The following PRKD1 variants were observed in gnomAD, a reference collection of about 807,000 sequenced individuals.
PRKD1 encodes the protein protein kinase D1.
A neutral mutation model predicts 95.9 loss-of-function variants in PRKD1; 63 were observed. The ratio of observed to expected loss-of-function variants is 0.66; its 90% CI spans 0.54 to 0.81. PRKD1 has a LOEUF of 0.81. Among genes scored for constraint, PRKD1 ranks in the 30% least tolerant of loss-of-function variants. The pLI is 0.00. For missense variants in PRKD1, 1,048 were observed against 1,165.3 expected (o/e 0.90, Z 1.47); for synonymous variants, 425 against 423.1 (o/e 1.00, Z -0.05).
intron 16 of PRKD1, among the ~76,000 whole-genome samples, chr14:29,583,551 T>C (rs1331864529): frequency 6.6e-6 from 1 of 152,126 alleles, no homozygotes; most frequent in Non-Finnish European, 1.5e-5. Context: ...GGGGGGTGAG[T>C]CTTTCTAACA....
chr14:29,725,815 A>T (rs943129267), intron 1 of PRKD1, 141 bp from the exon 2 acceptor site: 1 of 835,410 alleles, frequency 1.2e-6, no homozygotes. Context: ...ATTAAAAAAT[A>T]AATAAATGGT....
chr14:29,709,645 C>T (rs1450193134), intron 2 of PRKD1, among the ~76,000 whole-genome samples: 1 of 152,102 alleles, frequency 6.6e-6, no homozygotes, highest in Non-Finnish European at 1.5e-5. Flanking sequence ...CCAGGAGAGC[C>T]AATGGTATAG....
chr14:29,749,388 A>G (rs1190124286), intron 1 of PRKD1, among the ~76,000 whole-genome samples: 1 of 152,172 alleles, frequency 6.6e-6, no homozygotes, highest in Non-Finnish European at 1.5e-5. Context: ...AGGTTGGAAT[A>G]TATGCCGGCT....
chr14:29,664,192 G>C (rs1882351592), intron 3 of PRKD1, among the ~76,000 whole-genome samples: 1 of 152,124 alleles, frequency 6.6e-6, no homozygotes, highest in African/African-American at 2.4e-5. Context: ...GTTCAAATGT[G>C]AGTGGACACA....
intron 13 of PRKD1, among the ~76,000 whole-genome samples, chr14:29,600,020 G>A (rs981262635): frequency 6.6e-5 from 10 of 152,032 alleles, no homozygotes; most frequent in Admixed American, 2.0e-4. Flanking sequence ...CTTTCTATGC[G>A]TAGTGAAATT....
chr14:29,776,863 T>C (rs1344480445), intron 1 of PRKD1, among the ~76,000 whole-genome samples: 1 of 151,906 alleles, frequency 6.6e-6, no homozygotes, highest in Non-Finnish European at 1.5e-5. Context: ...AAAGTTGAAA[T>C]GAAGGAAAAA....
At chr14:29,814,769 G>A (rs1172710862) in intron 1 of PRKD1, among the ~76,000 whole-genome samples, 1 of 152,084 alleles carries the variant, frequency 6.6e-6, no homozygotes, top group Non-Finnish European at 1.5e-5. Flanking sequence ...CCTTGAATCT[G>A]TTCTCTTCTC....
chr14:29,650,781 G>A (rs1358388007), intron 4 of PRKD1, among the ~76,000 whole-genome samples: 3 of 152,222 alleles, frequency 2.0e-5, no homozygotes, highest in Non-Finnish European at 4.4e-5. Context: ...AACATGTCCT[G>A]TAACTTACGC....
chr14:29,765,575 A>G (rs754975627), intron 1 of PRKD1, among the ~76,000 whole-genome samples: 10 of 152,224 alleles, frequency 6.6e-5, no homozygotes, highest in African/African-American at 2.4e-4. Flanking sequence ...AAAGACATAA[A>G]TAACAATGCT....
intron 1 of PRKD1, among the ~76,000 whole-genome samples, chr14:29,758,444 T>C (rs1887816111): frequency 6.6e-6 from 1 of 152,210 alleles, no homozygotes; most frequent in Non-Finnish European, 1.5e-5. Context: ...CAGGCACCTC[T>C]TGTTGATATA....
intron 1 of PRKD1, among the ~76,000 whole-genome samples, chr14:29,852,199 A>T (rs1267650747): frequency 6.6e-6 from 1 of 152,200 alleles, no homozygotes; most frequent in East Asian, 1.9e-4. Flanking sequence ...ATACCCATGT[A>T]AAAAATCTGC....
chr14:29,578,413 T>A, intron 16 of PRKD1, 53 bp from the exon 17 acceptor site: 1 of 1,331,798 alleles, frequency 7.5e-7, no homozygotes, highest in Non-Finnish European at 1.1e-6. Flanking sequence ...ATATGCATAA[T>A]TCATTTATAG....
Position 29,638,898 on chromosome 14 carries a change from A to AT in PRKD1, c.702dup (p.Ser235IlefsTer26). 6.2e-7 allele frequency: 1 copy of AT among 1,613,936 alleles called. No individual in the cohort carries two copies. Among genetic ancestry groups the AT allele is most frequent in the Non-Finnish European group, 8.5e-7 (1 of 1,179,872 alleles). ...CGACCAATAAACGACTCTGATGGTGATTTTTGCTACATTTTGGAAAACAAT... is the reference window on the plus strand; with the variant it reads ...CGACCAATAAACGACTCTGATGGTGATTTTTTGCTACATTTTGGAAAACAAT... On this transcript the variant is annotated frameshift_variant, in exon 5 of 18. Transcript: ENST00000331968. LOFTEE classifies it high-confidence loss of function.
At chr14:29,794,890 T>C (rs920681574) in intron 1 of PRKD1, among the ~76,000 whole-genome samples, 13 of 152,188 alleles carry the variant, frequency 8.5e-5, no homozygotes, top group Admixed American at 6.6e-4. Flanking sequence ...AGCAGCAATG[T>C]GTGAGTTCAT....
At chr14:29,820,004 G>T (rs1769356096) in intron 1 of PRKD1, among the ~76,000 whole-genome samples, 1 of 152,096 alleles carries the variant, frequency 6.6e-6, no homozygotes, top group South Asian at 2.1e-4. Flanking sequence ...AAAAGATGTT[G>T]GTCCACAGAG....
chr14:29,638,410 A>G (rs541060981), intron 6 of PRKD1, 79 bp downstream of exon 6: 1 of 1,529,690 alleles, frequency 6.5e-7, no homozygotes, highest in East Asian at 2.3e-5. Flanking sequence ...AACCAAAACC[A>G]AAAACCCTGA....
At chr14:29,806,049 T>C (rs963798848) in intron 1 of PRKD1, among the ~76,000 whole-genome samples, 18 of 152,060 alleles carry the variant, frequency 1.2e-4, no homozygotes, top group South Asian at 4.2e-4. Context: ...ATGCACTAAA[T>C]AGATCAATCT....
In PRKD1 at chr14:29,766,424, A is replaced by G. The variant is rs374779823; in HGVS notation, c.265-40750T>C. 2.2e-4 allele frequency among the ~76,000 whole-genome samples: 34 copies of G among 152,270 alleles called. No homozygotes were observed. The East Asian group carries it at 4.4e-3, about 20-fold the overall frequency. On this transcript the variant is annotated intron_variant, in intron 1 of 17. Transcript: ENST00000331968. ...CACAGGACGACATTTGCTTAATGCA[A>G]CTTAGCTTTGTTTAATCTTATAGAC...
chr14:29,656,610 GTTTCATATAGGCA>G, intron 4 of PRKD1: 1 of 1,227,946 alleles, frequency 8.1e-7, no homozygotes, highest in Non-Finnish European at 1.1e-6. Flanking sequence ...ACTCAATAAT[GTTTCATATAGGCA>G]TGCTTTCAAA....
Sources: gnomAD v4.1 joint callset for allele counts (sites outside exome capture counted in the v4.1 genomes callset) on GRCh38, gnomAD v4.1.1 for gene constraint, MANE v1.5 for transcripts, NCBI Gene and HGNC (gene_info 2026-07-23, HGNC 2026-07-21) for gene names.